EBF3: variants seen among roughly 807,000 people sequenced by gnomAD.
EBF3 encodes the protein transcription factor COE3.
A neutral mutation model predicts 77.1 loss-of-function variants in EBF3; 18 were observed. The observed-to-expected ratio is 0.23, with a 90% CI of 0.16 to 0.35. The LOEUF is 0.35. Ranked by LOEUF, EBF3 falls within the 10% of genes least tolerant of loss-of-function variation. The pLI, the probability that EBF3 is intolerant of heterozygous loss-of-function variation, is 1.00. For synonymous variants in EBF3, 350 were observed against 343.5 expected (o/e 1.02, Z -0.21); for missense variants, 558 against 860.0 (o/e 0.65, Z 4.39).
intron 6 of EBF3, among the ~76,000 whole-genome samples, chr10:129,886,033 A>ATTT (rs59542647): frequency 7.9e-6 from 1 of 126,298 alleles, no homozygotes; most frequent in Non-Finnish European, 1.7e-5. Flanking sequence ...TTTGGTTTTA[A>ATTT]TTTTTTTTTT....
At position 129,887,031 on chromosome 10, in the gene EBF3, AGAGGCTGGGTGGGGGTTGTGGGCGGGG is replaced by A. The variant is rs1853635832; in HGVS notation, c.555-9209_555-9183del. Among the ~76,000 whole-genome samples, 2 of 50,604 alleles carry A rather than the reference AGAGGCTGGGTGGGGGTTGTGGGCGGGG, an allele frequency of 4.0e-5. 1 individual carries two copies. The highest frequency in any genetic ancestry group is 0.036 in the Middle Eastern group (2 of 56). The allele number at this position is 50,604 out of a possible 152,430, so 33.2% of individuals were successfully genotyped here. A position where few individuals can be genotyped will look rare whatever the true frequency, so the allele number is the denominator to read the frequency against. On this transcript the variant is annotated intron_variant, in intron 6 of 16. Coordinates refer to ENST00000440978, the MANE Select transcript of EBF3 (RefSeq NM_001375380.1). ...GTCAGGGTAAGCACAGGCCCGGGGA[AGAGGCTGGGTGGGGGTTGTGGGCGGGG>A]GGGGGGGGGAGGTGAATAGATGCAT...
intron 6 of EBF3, among the ~76,000 whole-genome samples, chr10:129,922,452 C>A (rs1856377870): frequency 6.6e-6 from 1 of 152,238 alleles, no homozygotes; most frequent in African/African-American, 2.4e-5. Flanking sequence ...TGCATAAATA[C>A]AAACTCTGTA....
In EBF3 at chr10:129,924,016, T is replaced by C. The variant is rs575789399; in HGVS notation, c.554+33242A>G. 4.2e-3 allele frequency among the ~76,000 whole-genome samples: 641 copies of C among 152,318 alleles called. 6 individuals carry two copies. Among genetic ancestry groups the C allele is most frequent in the South Asian group, 0.023 (111 of 4,826 alleles). On this transcript the variant is annotated intron_variant, in intron 6 of 16. Coordinates refer to ENST00000440978, the MANE Select transcript of EBF3 (RefSeq NM_001375380.1). ...CCAAAGAAGACATACAAATGGCCGATGTATGTCTTCTTGGGAAGATGCTCA... is the reference window on the plus strand; with the variant it reads ...CCAAAGAAGACATACAAATGGCCGACGTATGTCTTCTTGGGAAGATGCTCA...
intron 6 of EBF3, among the ~76,000 whole-genome samples, chr10:129,946,199 G>A (rs997230945): frequency 2.0e-5 from 3 of 152,292 alleles, no homozygotes; most frequent in East Asian, 1.9e-4. Context: ...GGCCTCGCGC[G>A]GACCCGCCCT....
chr10:129,852,181 G>A (rs1850929965), intron 10 of EBF3, among the ~76,000 whole-genome samples: 1 of 152,142 alleles, frequency 6.6e-6, no homozygotes, highest in Admixed American at 6.5e-5. Context: ...CCTGCACGCT[G>A]GAATAGCCTA....
At chr10:129,843,085 C>G in intron 12 of EBF3, 52 bp downstream of exon 12, 2 of 1,547,620 alleles carry the variant, frequency 1.3e-6, no homozygotes, top group Non-Finnish European at 1.8e-6. Context: ...CGGCTGCCCA[C>G]GGGTTCTGGC....
intron 10 of EBF3, among the ~76,000 whole-genome samples, chr10:129,854,349 G>C (rs1268680098): frequency 6.6e-6 from 1 of 152,178 alleles, no homozygotes; most frequent in Non-Finnish European, 1.5e-5. Flanking sequence ...GATGATGAGA[G>C]GTAGCTGGAG....
intron 5 of EBF3, 61 bp from the exon 6 acceptor site, chr10:129,957,387 T>TG (rs1859120082): frequency 4.8e-5 from 64 of 1,338,838 alleles, no homozygotes; most frequent in South Asian, 1.1e-4. Context: ...GCCCGACTTG[T>TG]ATTTTTTTTT....
chr10:129,915,379 C>T (rs1403975342), intron 6 of EBF3, among the ~76,000 whole-genome samples: 1 of 152,034 alleles, frequency 6.6e-6, no homozygotes, highest in African/African-American at 2.4e-5. Context: ...CCCAAAGTTA[C>T]TATTACTCAA....
intron 6 of EBF3, among the ~76,000 whole-genome samples, chr10:129,954,182 CT>C (rs1411930168): frequency 1.3e-5 from 2 of 152,116 alleles, no homozygotes; most frequent in East Asian, 1.9e-4. Flanking sequence ...ACCATAGATA[CT>C]TTTTTCCTGT....
rs572380225 is a variant in EBF3 at position 129,937,142 on chromosome 10, G to A, written c.554+20116C>T. ...GCTGTCTGAAAGTGGGACAGCAATC[G>A]TGCCGGGAACAAGATCCCTGAGTCT... is the stretch of plus-strand genomic sequence containing the variant. On this transcript the variant is annotated intron_variant, in intron 6 of 16. Transcript: ENST00000440978. 5.4e-4 allele frequency among the ~76,000 whole-genome samples: 83 copies of A among 152,318 alleles called. 1 individual carries two copies. Among genetic ancestry groups the A allele is most frequent in the East Asian group, 5.8e-4 (3 of 5,174 alleles).
chr10:129,886,033 ATTTTTTTTTTTT>A (rs59542647), intron 6 of EBF3, among the ~76,000 whole-genome samples: 96,212 of 127,218 alleles, frequency 0.76, 35,266 homozygotes, highest in African/African-American at 0.86. Context: ...TTTGGTTTTA[ATTTTTTTTTTTT>A]TTTTTTTTTT....
chr10:129,946,125 C>T (rs982652875), intron 6 of EBF3, among the ~76,000 whole-genome samples: 5 of 152,132 alleles, frequency 3.3e-5, no homozygotes, highest in African/African-American at 7.2e-5. Flanking sequence ...TTAAAAAGAC[C>T]GTAGCCGTTT....
chr10:129,942,413 T>C (rs1048000016), intron 6 of EBF3, among the ~76,000 whole-genome samples: 9 of 152,100 alleles, frequency 5.9e-5, no homozygotes, highest in African/African-American at 2.2e-4. Context: ...TACAGTTAGG[T>C]AAATGCCAAA....
intron 6 of EBF3, among the ~76,000 whole-genome samples, chr10:129,902,301 C>T (rs1030340394): frequency 1.3e-5 from 2 of 151,456 alleles, no homozygotes; most frequent in Non-Finnish European, 2.9e-5. Context: ...AAGTGGTCCA[C>T]CTAACTCCAC....
intron 10 of EBF3, among the ~76,000 whole-genome samples, chr10:129,853,668 G>A (rs377677942): frequency 1.3e-5 from 2 of 152,210 alleles, no homozygotes; most frequent in East Asian, 1.9e-4. Flanking sequence ...ACTGCAAGCC[G>A]TCAGTGTGCC....
chr10:129,919,276 A>G (rs1028473220), intron 6 of EBF3, among the ~76,000 whole-genome samples: 2 of 152,120 alleles, frequency 1.3e-5, no homozygotes, highest in African/African-American at 4.8e-5. Context: ...GGGGTTCCAG[A>G]TTCTGACAAG....
At position 129,888,563 on chromosome 10, in the gene EBF3, C is replaced by T. The variant is rs907143687; in HGVS notation, c.555-10714G>A. On this transcript the variant is annotated intron_variant, in intron 6 of 16. Coordinates refer to ENST00000440978, the MANE Select transcript of EBF3 (RefSeq NM_001375380.1). ...TGTGGAGGAAAGAAGGCCGGGGCCA[C>T]GACATCGGCGCAGCACAAGCATCCC... Among the ~76,000 whole-genome samples, 6 of 152,318 alleles carry T rather than the reference C, an allele frequency of 3.9e-5. No individual in the cohort carries two copies. The East Asian group carries it at 5.8e-4, about 15-fold the overall frequency.
intron 6 of EBF3, among the ~76,000 whole-genome samples, chr10:129,924,859 G>A (rs1856557935): frequency 6.6e-6 from 1 of 151,984 alleles, no homozygotes; most frequent in Non-Finnish European, 1.5e-5. Context: ...TGTGAAGATG[G>A]AGGTCTCACT....
Sources: allele counts gnomAD v4.1 joint callset (sites outside exome capture counted in the v4.1 genomes callset), GRCh38; gene constraint gnomAD v4.1.1; transcripts MANE v1.5; gene names NCBI Gene and HGNC (gene_info 2026-07-23, HGNC 2026-07-21).